Variants in BMP4 observed in about 807,000 individuals in gnomAD.
The protein encoded by BMP4 is bone morphogenetic protein 2B.
Under a neutral mutation model 29.6 loss-of-function variants are expected in BMP4, and 3 were observed. The ratio of observed to expected loss-of-function variants is 0.10; its 90% CI spans 0.05 to 0.26. The LOEUF (loss-of-function observed/expected upper bound fraction) is 0.26, where lower values mean the gene tolerates loss of function less well. Among genes scored for constraint, BMP4 ranks in the 10% least tolerant of loss-of-function variants. The pLI is 1.00. For missense variants in BMP4, 455 were observed against 550.2 expected, an observed-to-expected ratio of 0.83 and a Z score of 1.73; for synonymous variants, 197 against 213.2, an observed-to-expected ratio of 0.92 and a Z score of 0.66.
intron 3 of BMP4, 44 bp downstream of exon 3, chr14:53,951,809 G>C (rs757845313): frequency 1.4e-5 from 22 of 1,594,720 alleles, no homozygotes; most frequent in Middle Eastern, 4.2e-4. Context: ...CCTCTAGCCA[G>C]TCCCACCAGC....
intron 1 of BMP4, 53 bp downstream of exon 1, chr14:53,956,497 G>A (rs1566585616): frequency 1.3e-5 from 5 of 399,456 alleles, no homozygotes; most frequent in Non-Finnish European, 1.8e-5. Context: ...TCCCCCCAAG[G>A]AGGCTCCTAG....
intron 1 of BMP4, chr14:53,956,110 G>C (rs1895708019): frequency 6.5e-6 from 1 of 155,036 alleles, no homozygotes; most frequent in East Asian, 1.9e-4. Context: ...ACCTGCTCCA[G>C]CTAGGTGTTC....
chr14:53,949,968 G>T lies in BMP4; in HGVS notation c.*64C>A. 2 of 1,571,286 alleles carry T rather than the reference G, an allele frequency of 1.3e-6. No individual in the cohort carries two copies. Among genetic ancestry groups the T allele is most frequent in the South Asian group, 2.2e-5 (2 of 89,152 alleles). On this transcript the variant is annotated 3_prime_UTR_variant, in exon 4 of 4. Coordinates refer to ENST00000245451, the MANE Select transcript of BMP4 (RefSeq NM_001202.6). ...TGGGTGAGTGGATGGGAACGTGTGTGTGTGGTGTATGTGGTGTGTGTGTGT... is the reference window on the plus strand; with the variant it reads ...TGGGTGAGTGGATGGGAACGTGTGTTTGTGGTGTATGTGGTGTGTGTGTGT...
In BMP4 at chr14:53,952,020, C is replaced by T. The variant is rs1389867082; in HGVS notation, c.203G>A (p.Arg68His). Residue 68 changes from arginine to histidine, a missense_variant, in exon 3 of 4, where the codon CGC (arginine) becomes CAC (histidine). Transcript: ENST00000245451. ...EATLLQMFGL[R>H]RRPQPSKSAV... Reference sequence around the variant, plus strand: ...ACTCTTGCTAGGCTGCGGGCGGCGGCGCAGCCCAAACATCTGCAGAAGTGT... The same window carrying T: ...ACTCTTGCTAGGCTGCGGGCGGCGGTGCAGCCCAAACATCTGCAGAAGTGT... 3 of 1,614,062 alleles carry T rather than the reference C, an allele frequency of 1.9e-6. No homozygotes were observed. Among genetic ancestry groups the T allele is most frequent in the Non-Finnish European group, 2.5e-6 (3 of 1,180,038 alleles).
At chr14:53,951,758 T>C (rs775244089) in intron 3 of BMP4, 95 bp downstream of exon 3, 1 of 1,522,240 alleles carries the variant, frequency 6.6e-7, no homozygotes, top group Non-Finnish European at 8.8e-7. Flanking sequence ...ACTGGGGCTT[T>C]GATGTAACCC....
At chr14:53,952,292 T>C (rs761854329) in intron 2 of BMP4, 63 bp from the exon 3 acceptor site, 19 of 1,565,426 alleles carry the variant, frequency 1.2e-5, no homozygotes, top group African/African-American at 1.4e-5. Context: ...TAGGGAGAAA[T>C]AGAGATGTGT....
rs770008356 is a variant in BMP4 at position 53,950,654 on chromosome 14, G to A, written c.605C>T (p.Thr202Met). The A allele has an allele frequency of 2.8e-5, 45 of 1,614,110 alleles. No homozygotes were observed. The highest frequency in any genetic ancestry group is 6.7e-5 in the Admixed American group (4 of 60,010). ...TGTCACATTGTGGTGGACCAGTCTC[G>A]TGTCCAGTAGTCGTGTGATGAGGTG... ...PGHLITRLLD[T>M]RLVHHNVTRW... The change falls in exon 4 of 4, where the codon ACG becomes ATG. Residue 202 changes from threonine to methionine, a missense_variant. Around this residue, in one of 4 missense-constraint regions of BMP4, gnomAD observed 249 missense variants for 284.6 expected, o/e 0.87. Transcript: ENST00000245451. The surrounding 1 kb of genome is among the most constrained non-coding windows in gnomAD (Gnocchi z 5.4).
rs535541725 is a variant in BMP4, at chr14:53,954,241, T to A, written c.-132-841A>T. Among the ~76,000 whole-genome samples, 64 of 151,210 alleles carry A rather than the reference T, an allele frequency of 4.2e-4. 1 individual carries two copies. In the South Asian group the frequency reaches 0.013, roughly 32 times the overall value. The stretch of plus-strand genomic sequence containing the variant: ...CTAGTCCGCCGCTGCGTGGCCCCTC[T>A]CCCCATGCAAAGCAGACCCCCGAAG... On this transcript the variant is annotated intron_variant, in intron 1 of 3. Transcript: ENST00000245451. This position sits in a 1 kb window ranked among gnomAD's most constrained non-coding sequence, Gnocchi z 4.8.
At position 53,952,018 on chromosome 14, in the gene BMP4, G is replaced by T; in HGVS notation, c.205C>A (p.Arg69Ser). 1 of 1,614,008 alleles carries T rather than the reference G, an allele frequency of 6.2e-7. No individual in the cohort carries two copies. Among genetic ancestry groups the T allele is most frequent in the Non-Finnish European group, 8.5e-7 (1 of 1,180,040 alleles). ...GCACTCTTGCTAGGCTGCGGGCGGC[G>T]GCGCAGCCCAAACATCTGCAGAAGT... ...ATLLQMFGLR[R>S]RPQPSKSAVI... is the part of the protein sequence containing the mutation. Residue 69 changes from arginine to serine, a missense_variant, in exon 3 of 4, where the codon CGC becomes AGC. Around this residue, in one of 4 missense-constraint regions of BMP4, gnomAD observed 249 missense variants for 284.6 expected, o/e 0.87. Transcript: ENST00000245451.
chr14:53,951,653 C>T (rs1895417137), intron 3 of BMP4, 200 bp downstream of exon 3: 7 of 792,128 alleles, frequency 8.8e-6, no homozygotes, highest in African/African-American at 1.7e-5. Context: ...CATTCCCCTT[C>T]CCCTGAACAC....
rs201885725 is a variant in BMP4, at chr14:53,954,459, G to C, written c.-132-1059C>G. 1,344 of 152,092 alleles carry C rather than the reference G, an allele frequency of 8.8e-3. 5 individuals are homozygous for C. Among genetic ancestry groups the C allele is most frequent in the Non-Finnish European group, 0.015 (1,024 of 68,004 alleles). The allele number at this position is 152,092 out of a possible 1,614,324, so 9.4% of individuals were successfully genotyped here. On this transcript the variant is annotated intron_variant, in intron 1 of 3. Transcript: ENST00000245451. This position sits in a 1 kb window ranked among gnomAD's most constrained non-coding sequence, Gnocchi z 4.8. ...GTCGAGAAAACGGTGAACAGCTTTCGGCCTGCGCTCGACCTCTGCGTCTGC... is the reference window on the plus strand; with the variant it reads ...GTCGAGAAAACGGTGAACAGCTTTCCGCCTGCGCTCGACCTCTGCGTCTGC...
rs1895278466 is a variant in BMP4, at chr14:53,949,887, T to A, written c.*145A>T. 4.5e-6 allele frequency: 4 copies of A among 895,324 alleles called. No individual in the cohort carries two copies. The highest frequency in any genetic ancestry group is 6.4e-6 in the Non-Finnish European group (4 of 621,568). 55.5% of individuals were successfully genotyped at this position (895,324 alleles called of 1,614,324 possible). A position where few individuals can be genotyped will look rare whatever the true frequency, so the allele number is the denominator to read the frequency against. On this transcript the variant is annotated 3_prime_UTR_variant, in exon 4 of 4. Transcript: ENST00000245451. ...TGAATGTTTAGGGATTTTTTCCTTT[T>A]TTTTTTTTTTTTTTAAATAAAAGTC...
At position 53,951,844 on chromosome 14, in the gene BMP4, G is replaced by A. The variant is rs560378369; in HGVS notation, c.370+9C>T. On this transcript the variant is annotated intron_variant, in intron 3 of 3. Coordinates refer to ENST00000245451, the MANE Select transcript of BMP4 (RefSeq NM_001202.6). ...CCCTCCCCCACGCAGACTGGGGGAAGAGACTGACCTTCGTGGTGGAAGCTC... is the reference window on the plus strand; with the variant it reads ...CCCTCCCCCACGCAGACTGGGGGAAAAGACTGACCTTCGTGGTGGAAGCTC... 23 of 1,598,996 alleles carry A rather than the reference G, an allele frequency of 1.4e-5. No individual in the cohort carries two copies. In the African/African-American group the frequency reaches 2.9e-4, roughly 20 times the overall value.
chr14:53,953,132 C>A (rs1451653847), intron 2 of BMP4, 144 bp downstream of exon 2: 1 of 383,594 alleles, frequency 2.6e-6, no homozygotes, highest in Admixed American at 4.5e-5. Flanking sequence ...CCCCGGCTGC[C>A]GGGCCAAGAA....
Position 53,950,378 on chromosome 14 carries a change from G to C in BMP4, c.881C>G (p.Pro294Arg), listed in dbSNP as rs774776317. The change falls in exon 4 of 4, where the codon CCT becomes CGT. Residue 294 changes from proline to arginine, a missense_variant. By Grantham distance (103) the Pro-to-Arg change is moderately radical. Transcript: ENST00000245451. The surrounding 1 kb of genome is among the most constrained non-coding windows in gnomAD (Gnocchi z 5.4). The stretch of plus-strand genomic sequence containing the variant: ...CCTGGCCCGCTGTGAGTGATGCTTA[G>C]GGCTACGCTTGGCCCTCCGGCGTCG... ...LTRRRRAKRS[P>R]KHHSQRARKK... The C allele has an allele frequency of 4.3e-6, 7 of 1,613,856 alleles. No individual in the cohort carries two copies. The highest frequency in any genetic ancestry group is 5.9e-6 in the Non-Finnish European group (7 of 1,179,834).
chr14:53,953,211 G>A, intron 2 of BMP4, 65 bp downstream of exon 2: 1 of 393,564 alleles, frequency 2.5e-6, no homozygotes, highest in Non-Finnish European at 4.5e-6. Flanking sequence ...AGGGACAGCC[G>A]GCGAGCAGGG....
At position 53,954,869 on chromosome 14, in the gene BMP4, A is replaced by G. The variant is rs898147959; in HGVS notation, c.-132-1469T>C. Among the ~76,000 whole-genome samples, 2 of 152,170 alleles carry G rather than the reference A, an allele frequency of 1.3e-5. No individual in the cohort carries two copies. Among genetic ancestry groups the G allele is most frequent in the African/African-American group, 2.4e-5 (1 of 41,460 alleles). On this transcript the variant is annotated intron_variant, in intron 1 of 3. Coordinates refer to ENST00000245451, the MANE Select transcript of BMP4 (RefSeq NM_001202.6). This position sits in a 1 kb window ranked among gnomAD's most constrained non-coding sequence, Gnocchi z 4.8. ...CTGCTTTGGGTCGCTCCGGAGCTCA[A>G]GAACTCGGGTTGCCTGCCGCCCCAC...
intron 1 of BMP4, 35 bp from the exon 2 acceptor site, chr14:53,953,435 C>A (rs1305982341): frequency 7.5e-6 from 3 of 398,750 alleles, no homozygotes; most frequent in Non-Finnish European, 1.3e-5. Context: ...GAGACTCCAC[C>A]GCAGACAGGC....
At chr14:53,951,667 C>A (rs1183026306) in intron 3 of BMP4, 186 bp downstream of exon 3, 136 of 906,040 alleles carry the variant, frequency 1.5e-4, no homozygotes, top group Non-Finnish European at 2.1e-4. Context: ...TGAACACCTC[C>A]CCCTCTGTCT....
Sources: gnomAD v4.1 joint callset for allele counts (sites outside exome capture counted in the v4.1 genomes callset) on GRCh38, gnomAD v4.1.1 for gene constraint, gnomAD v4.1.1 regional missense constraint, Gnocchi (gnomAD v3.1) non-coding constraint, MANE v1.5 for transcripts, NCBI Gene and HGNC (gene_info 2026-07-23, HGNC 2026-07-21) for gene names.